ZWINT: variants seen among roughly 807,000 people sequenced by gnomAD.
ZWINT encodes ZW10 interacting kinetochore protein, also known as outer kinetochore KNL1 complex subunit ZWINT.
ZWINT carries 41 observed loss-of-function variants against 41.5 expected under a neutral mutation model. That is an observed-to-expected ratio of 0.99 (90% CI 0.77 to 1.28). ZWINT has a LOEUF of 1.28. Ranked by LOEUF, ZWINT falls within the 50% of genes most tolerant of loss-of-function variation. The pLI, the probability that ZWINT is intolerant of heterozygous loss-of-function variation, is 0.00. For missense variants in ZWINT, 369 were observed against 329.7 expected (o/e 1.12, Z -0.92); for synonymous variants, 132 against 126.8 (o/e 1.04, Z -0.28).
intron 4 of ZWINT, 48 bp from the exon 5 acceptor site, chr10:56,359,580 G>C: frequency 1.3e-6 from 2 of 1,567,666 alleles, no homozygotes. Flanking sequence ...ATTTTTTCTG[G>C]CTAGAATTTT....
At position 56,358,927 on chromosome 10, in the gene ZWINT, C is replaced by T; in HGVS notation, c.501G>A (p.Leu167=). 6.2e-7 allele frequency: 1 copy of T among 1,614,114 alleles called. No homozygotes were observed. Among genetic ancestry groups the T allele is most frequent in the East Asian group, 2.2e-5 (1 of 44,854 alleles). ...CCCTCACCTCTGCAGAAACCTCCGCCAGATGCTGCAGATGCTTCTCCTGCC... is the reference window on the plus strand; with the variant it reads ...CCCTCACCTCTGCAGAAACCTCCGCTAGATGCTGCAGATGCTTCTCCTGCC... ...QLQQEKHLQH[L]AEVSAEVRER... The change falls in exon 6 of 9, where the codon CTG becomes CTA. Residue 167 remains leucine, a synonymous_variant. Transcript: ENST00000373944.
chr10:56,358,580 C>T lies in ZWINT; in HGVS notation c.768G>A (p.Gly256=). ...CCTTGAAGGACACACCAGGGTCTCTCCCCATGGTGTCTCCTGTACTCTGCT... is the reference window on the plus strand; with the variant it reads ...CCTTGAAGGACACACCAGGGTCTCTTCCCATGGTGTCTCCTGTACTCTGCT... ...PQEQSTGDTM[G]RDPGVSFKAV... Residue 256 remains glycine, a synonymous_variant, in exon 7 of 9, where the codon GGG becomes GGA. Coordinates refer to ENST00000373944, the MANE Select transcript of ZWINT (RefSeq NM_007057.4). 1 of 1,614,132 alleles carries T rather than the reference C, an allele frequency of 6.2e-7. No individual in the cohort carries two copies. Among genetic ancestry groups the T allele is most frequent in the African/African-American group, 1.3e-5 (1 of 75,014 alleles).
In ZWINT at chr10:56,358,249, C is replaced by T. The variant is rs1388694775; in HGVS notation, c.*42-64G>A. 9.1e-6 allele frequency: 8 copies of T among 883,636 alleles called. No homozygotes were observed. The East Asian group carries it at 1.7e-4, about 19-fold the overall frequency. The allele number at this position is 883,636 out of a possible 1,614,324, so 54.7% of individuals were successfully genotyped here. ...GCATGGGAATGAGGTGTAACATAAG[C>T]TCTTTCCTGTTCCCACCATCCATCT... is the stretch of plus-strand genomic sequence containing the variant. On this transcript the variant is annotated intron_variant, in intron 8 of 8. Coordinates refer to ENST00000373944, the MANE Select transcript of ZWINT (RefSeq NM_007057.4).
intron 1 of ZWINT, among the ~76,000 whole-genome samples, chr10:56,360,896 TG>T (rs1838316578): frequency 6.6e-6 from 1 of 152,064 alleles, no homozygotes; most frequent in African/African-American, 2.4e-5. Context: ...GGGATGGGGA[TG>T]AGAAGTGACT....
At chr10:56,358,278 C>T (rs1172885372) in intron 8 of ZWINT, 93 bp from the exon 9 acceptor site, 9 of 1,024,490 alleles carry the variant, frequency 8.8e-6, no homozygotes, top group Admixed American at 1.7e-5. Flanking sequence ...TCCATCTGCT[C>T]CATGGGTAGC....
chr10:56,358,308 A>G, intron 8 of ZWINT, 69 bp downstream of exon 8: 2 of 1,264,574 alleles, frequency 1.6e-6, no homozygotes, highest in Non-Finnish European at 2.3e-6. Context: ...ATGCAGAGAG[A>G]GGTAAACCAG....
Position 56,360,381 on chromosome 10 carries a change from A to G in ZWINT, c.44T>C (p.Val15Ala). The change falls in exon 2 of 9, where the codon GTC (valine) becomes GCC (alanine). Residue 15 changes from valine (V) to alanine (A), a missense_variant and splice_region_variant. By Grantham distance (64) the Val-to-Ala change is moderately conservative (BLOSUM62 0). Coordinates refer to ENST00000373944, the MANE Select transcript of ZWINT (RefSeq NM_007057.4). ...CAAGATGCCTGCCACCTCAGCCAGG[A>G]CCCTGGAGGGGCAAGGAAACACAGG... ...ETEAEAAALE[V>A]LAEVAGILEP... is the part of the protein sequence containing the mutation. 6.2e-7 allele frequency: 1 copy of G among 1,613,876 alleles called. No homozygotes were observed. The highest frequency in any genetic ancestry group is 1.1e-5 in the South Asian group (1 of 91,034).
At position 56,358,929 on chromosome 10, in the gene ZWINT, G is replaced by C; in HGVS notation, c.499C>G (p.Leu167Val). The change falls in exon 6 of 9, where the codon CTG (leucine) becomes GTG (valine). Residue 167 changes from leucine (L) to valine (V), a missense_variant. Physicochemically the swap from Leu to Val is conservative, Grantham distance 32 (BLOSUM62 1). Coordinates refer to ENST00000373944, the MANE Select transcript of ZWINT (RefSeq NM_007057.4). Reference protein sequence around the residue: ...QLQQEKHLQHLAEVSAEVRER... With the variant: ...QLQQEKHLQHVAEVSAEVRER... Reference sequence around the variant, plus strand: ...CTCACCTCTGCAGAAACCTCCGCCAGATGCTGCAGATGCTTCTCCTGCCAG... The same window carrying C: ...CTCACCTCTGCAGAAACCTCCGCCACATGCTGCAGATGCTTCTCCTGCCAG... 2.5e-6 allele frequency: 4 copies of C among 1,614,110 alleles called. No homozygotes were observed. Among genetic ancestry groups the C allele is most frequent in the Non-Finnish European group, 3.4e-6 (4 of 1,180,016 alleles).
chr10:56,357,935 C>A lies in ZWINT; in HGVS notation c.*292G>T. 4 of 405,972 alleles carry A rather than the reference C, an allele frequency of 9.9e-6. No individual in the cohort carries two copies. Among genetic ancestry groups the A allele is most frequent in the South Asian group, 7.4e-5 (4 of 54,188 alleles). 25.1% of individuals were successfully genotyped at this position (405,972 alleles called of 1,614,324 possible). ...CATCATAGGAGGCCCAAGGCCAGTA[C>A]CCCCTCCCCATCTGCACACCCTGTG... On this transcript the variant is annotated 3_prime_UTR_variant, in exon 9 of 9. Transcript: ENST00000373944.
rs2074658560 is a variant in ZWINT, at chr10:56,358,795, C to T, written c.623+10G>A. 1 of 1,614,018 alleles carries T rather than the reference C, an allele frequency of 6.2e-7. No individual in the cohort carries two copies. The highest frequency in any genetic ancestry group is 1.3e-5 in the African/African-American group (1 of 75,026). Reference sequence around the variant, plus strand: ...CATTTTGAATCTGCAGCCCATGCTCCCGAACTTACCTCTGCAGCTTGTCCC... The same window carrying T: ...CATTTTGAATCTGCAGCCCATGCTCTCGAACTTACCTCTGCAGCTTGTCCC... On this transcript the variant is annotated intron_variant, in intron 6 of 8. Transcript: ENST00000373944.
chr10:56,360,949 G>A (rs1048923881), intron 1 of ZWINT, among the ~76,000 whole-genome samples: 2 of 152,104 alleles, frequency 1.3e-5, no homozygotes, highest in Non-Finnish European at 2.9e-5. Flanking sequence ...AAGTGAAACC[G>A]TCTCCTAGAG....
chr10:56,359,972 C>T (rs1301409080), intron 3 of ZWINT, 46 bp downstream of exon 3: 11 of 1,609,212 alleles, frequency 6.8e-6, no homozygotes, highest in Non-Finnish European at 7.7e-6. Flanking sequence ...ATCCTCCTTC[C>T]TTCCCCACTC....
chr10:56,361,249 C>G lies in ZWINT; in HGVS notation c.-13G>C, dbSNP rs536673466. On this transcript the variant is annotated 5_prime_UTR_variant, in exon 1 of 9. Coordinates refer to ENST00000373944, the MANE Select transcript of ZWINT (RefSeq NM_007057.4). The stretch of plus-strand genomic sequence containing the variant: ...CCGCTGCCTCCATCTTTCCAGGCGC[C>G]GAGTTCAGCTGCCTTCCCACAATCC... 5.0e-6 allele frequency: 8 copies of G among 1,611,436 alleles called. No homozygotes were observed. The highest frequency in any genetic ancestry group is 1.6e-4 in the Middle Eastern group (1 of 6,062).
chr10:56,358,228 G>A (rs773275805), intron 8 of ZWINT, 43 bp from the exon 9 acceptor site: 11 of 824,460 alleles, frequency 1.3e-5, no homozygotes, highest in Middle Eastern at 2.2e-4. Flanking sequence ...GGCTAAGCAT[G>A]GGAATGAGGT....
Position 56,360,481 on chromosome 10 carries a change from A to T in ZWINT, c.42-98T>A, listed in dbSNP as rs563647964. The T allele has an allele frequency of 5.2e-6, 5 of 968,256 alleles. No individual in the cohort carries two copies. In the Admixed American group the frequency reaches 1.2e-4, roughly 23 times the overall value. The allele number at this position is 968,256 out of a possible 1,614,324, so 60.0% of individuals were successfully genotyped here. A position where few individuals can be genotyped will look rare whatever the true frequency, so the allele number is the denominator to read the frequency against. ...AACAAATGTGGATGTGTATATCAGT[A>T]TATATAGTATTGAGAGTCTTGCCTT... is the stretch of plus-strand genomic sequence containing the variant. On this transcript the variant is annotated intron_variant, in intron 1 of 8. Coordinates refer to ENST00000373944, the MANE Select transcript of ZWINT (RefSeq NM_007057.4).
At position 56,358,667 on chromosome 10, in the gene ZWINT, C is replaced by A. The variant is rs1564451286; in HGVS notation, c.681G>T (p.Glu227Asp). The A allele has an allele frequency of 6.2e-7, 1 of 1,614,068 alleles. No individual in the cohort carries two copies. ...YTLQGKLLFP[E>D]AEAEAENLPD... Reference sequence around the variant, plus strand: ...GAAGATTCTCTGCCTCAGCCTCAGCCTCAGGGAACAACAGCTTACCCTGCA... The same window carrying A: ...GAAGATTCTCTGCCTCAGCCTCAGCATCAGGGAACAACAGCTTACCCTGCA... Residue 227 changes from glutamate (E) to aspartate (D), a missense_variant, in exon 7 of 9, where the codon GAG becomes GAT. Physicochemically the swap from Glu to Asp is conservative, Grantham distance 45 (BLOSUM62 2). Coordinates refer to ENST00000373944, the MANE Select transcript of ZWINT (RefSeq NM_007057.4).
intron 1 of ZWINT, among the ~76,000 whole-genome samples, chr10:56,360,667 A>C (rs111621799): frequency 0.012 from 1,854 of 152,308 alleles, 49 homozygotes; most frequent in African/African-American, 0.043. Context: ...GGAGTGTCTC[A>C]CTGAAGAGAA....
Position 56,359,470 on chromosome 10 carries a change from A to C in ZWINT, c.480+6T>G, listed in dbSNP as rs376513163. The stretch of plus-strand genomic sequence containing the variant: ...AAGGGATATTCTCCTAGGGGGACGA[A>C]CCTACCTGTTGTAGCTGCCACTGGT... On this transcript the variant is annotated splice_donor_region_variant and intron_variant, in intron 5 of 8. Transcript: ENST00000373944. 74 of 1,529,060 alleles carry C rather than the reference A, an allele frequency of 4.8e-5. No homozygotes were observed. The African/African-American group carries it at 9.2e-4, about 19-fold the overall frequency. 94.7% of individuals were successfully genotyped at this position (1,529,060 alleles called of 1,614,324 possible).
rs779250396 is a variant in ZWINT, at chr10:56,358,901, TC to T, written c.526del (p.Glu176SerfsTer20). 3 of 1,614,046 alleles carry T rather than the reference TC, an allele frequency of 1.9e-6. No homozygotes were observed. In the South Asian group the frequency reaches 3.3e-5, roughly 18 times the overall value. On this transcript the variant is annotated frameshift_variant, in exon 6 of 9. Coordinates refer to ENST00000373944, the MANE Select transcript of ZWINT (RefSeq NM_007057.4). LOFTEE classifies it high-confidence loss of function. ...HLAEVSAEVR[E>X]RKTGTQQELD... ...CTCCTGCTGAGTCCCTGTCTTACGC[TC>T]CCTCACCTCTGCAGAAACCTCCGCC... is the stretch of plus-strand genomic sequence containing the variant.
Sources: allele counts gnomAD v4.1 joint callset (sites outside exome capture counted in the v4.1 genomes callset), GRCh38; gene constraint gnomAD v4.1.1; transcripts MANE v1.5; gene names NCBI Gene and HGNC (gene_info 2026-07-23, HGNC 2026-07-21).